The following SIAH3 variants were observed in gnomAD, a reference collection of about 807,000 sequenced individuals.
SIAH3 encodes seven in absentia homolog 3.
SIAH3 carries 9 observed loss-of-function variants against 12.6 expected under a neutral mutation model. The ratio of observed to expected loss-of-function variants is 0.72; its 90% CI spans 0.43 to 1.25. The LOEUF (loss-of-function observed/expected upper bound fraction) is 1.25. Among genes scored for constraint, SIAH3 ranks in the 50% most tolerant of loss-of-function variants. The pLI is 0.00. For missense variants in SIAH3, 390 were observed against 365.4 expected (o/e 1.07, Z -0.55); for synonymous variants, 154 against 151.1 (o/e 1.02, Z -0.14).
At chr13:45,811,992 C>T (rs777154115) in intron 1 of SIAH3, among the ~76,000 whole-genome samples, 3 of 152,208 alleles carry the variant, frequency 2.0e-5, no homozygotes, top group Non-Finnish European at 4.4e-5. Flanking sequence ...TCCCTCTGAA[C>T]TTTCAGAGAC....
At position 45,780,439 on chromosome 13, in the gene SIAH3, T is replaced by A. The variant is rs1248586204; in HGVS notation, c.*2944A>T. On this transcript the variant is annotated 3_prime_UTR_variant, in exon 2 of 2. Transcript: ENST00000400405. ...GCTTGTGTCACCATGCCCAGCTGAT[T>A]TTTTTTTTTGTAGAAATGAAGTCTC... 1 of 150,166 alleles carries A rather than the reference T, an allele frequency of 6.7e-6. No homozygotes were observed. The highest frequency in any genetic ancestry group is 1.5e-5 in the Non-Finnish European group (1 of 67,424). The allele number at this position is 150,166 out of a possible 1,614,324, so 9.3% of individuals were successfully genotyped here. A position where few individuals can be genotyped will look rare whatever the true frequency, so the allele number is the denominator to read the frequency against.
chr13:45,787,429 T>C (rs1480691022), intron 1 of SIAH3, among the ~76,000 whole-genome samples: 1 of 152,158 alleles, frequency 6.6e-6, no homozygotes, highest in African/African-American at 2.4e-5. Context: ...CTCACTATGA[T>C]TGTGTGAAAG....
chr13:45,799,013 G>C (rs1950572670), intron 1 of SIAH3, among the ~76,000 whole-genome samples: 1 of 152,100 alleles, frequency 6.6e-6, no homozygotes, highest in African/African-American at 2.4e-5. Flanking sequence ...AAATGAACCA[G>C]GGCCTCTTCA....
At chr13:45,794,056 C>G (rs961120514) in intron 1 of SIAH3, among the ~76,000 whole-genome samples, 4 of 151,652 alleles carry the variant, frequency 2.6e-5, no homozygotes, top group Non-Finnish European at 4.4e-5. Flanking sequence ...AGGAGGAATT[C>G]TTCCCTAGCA....
chr13:45,789,912 A>T (rs1385741082), intron 1 of SIAH3, among the ~76,000 whole-genome samples: 1 of 152,200 alleles, frequency 6.6e-6, no homozygotes, highest in South Asian at 2.1e-4. Flanking sequence ...TGGTGAAATT[A>T]GTAGTTTGTT....
chr13:45,845,219 G>A (rs930149970), intron 1 of SIAH3, among the ~76,000 whole-genome samples: 1 of 151,004 alleles, frequency 6.6e-6, no homozygotes, highest in African/African-American at 2.4e-5. Flanking sequence ...TTGACTCCAG[G>A]AAGGTGCATT....
At chr13:45,825,956 C>A (rs1488720339) in intron 1 of SIAH3, among the ~76,000 whole-genome samples, 2 of 152,168 alleles carry the variant, frequency 1.3e-5, no homozygotes, top group African/African-American at 4.8e-5. Flanking sequence ...CTGCCTTCCT[C>A]CCCCTGGCCC....
intron 1 of SIAH3, among the ~76,000 whole-genome samples, chr13:45,818,102 G>A (rs146563299): frequency 1.3e-4 from 20 of 152,268 alleles, no homozygotes; most frequent in African/African-American, 4.6e-4. Flanking sequence ...TCTGGAGCAG[G>A]ACAACTCTGA....
chr13:45,833,558 G>C (rs7993282), intron 1 of SIAH3, among the ~76,000 whole-genome samples: 33,115 of 152,168 alleles, frequency 0.22, 4,295 homozygotes, highest in East Asian at 0.38. Context: ...ATAAAAGGAA[G>C]AGAAAGAGGG....
chr13:45,815,240 T>C (rs1426515560), intron 1 of SIAH3, among the ~76,000 whole-genome samples: 1 of 152,060 alleles, frequency 6.6e-6, no homozygotes, highest in Non-Finnish European at 1.5e-5. Flanking sequence ...AATGTTACTA[T>C]GAAGGTGTTG....
intron 1 of SIAH3, among the ~76,000 whole-genome samples, chr13:45,803,006 AG>A (rs1033966315): frequency 6.6e-6 from 1 of 151,762 alleles, no homozygotes; most frequent in Admixed American, 6.6e-5. Context: ...TGGGAGAAGG[AG>A]GTTGTAGTGA....
At chr13:45,800,321 G>T (rs1390830987) in intron 1 of SIAH3, among the ~76,000 whole-genome samples, 9 of 152,172 alleles carry the variant, frequency 5.9e-5, no homozygotes, top group African/African-American at 1.9e-4. Flanking sequence ...TGGCCTTGGA[G>T]AACTCATATG....
At chr13:45,792,950 A>G (rs993000435) in intron 1 of SIAH3, among the ~76,000 whole-genome samples, 2 of 151,478 alleles carry the variant, frequency 1.3e-5, no homozygotes, top group East Asian at 3.9e-4. Context: ...GTGTAGTTAG[A>G]CTTTCATATC....
chr13:45,787,313 G>A (rs180898849), intron 1 of SIAH3, among the ~76,000 whole-genome samples: 5 of 152,254 alleles, frequency 3.3e-5, no homozygotes, highest in Non-Finnish European at 5.9e-5. Flanking sequence ...AAAGATGCCC[G>A]TAGTTCATTA....
chr13:45,801,112 G>A lies in SIAH3; in HGVS notation c.136-17055C>T, dbSNP rs1019704432. Reference sequence around the variant, plus strand: ...ATGGGTGGCGGGGGGGGGCATGGCTGTAGACGTTGCTATTTTGGCCTCCGG... The same window carrying A: ...ATGGGTGGCGGGGGGGGGCATGGCTATAGACGTTGCTATTTTGGCCTCCGG... On this transcript the variant is annotated intron_variant, in intron 1 of 1. Coordinates refer to ENST00000400405, the MANE Select transcript of SIAH3 (RefSeq NM_198849.3). 7.3e-5 allele frequency among the ~76,000 whole-genome samples: 11 copies of A among 151,310 alleles called. No individual in the cohort carries two copies. The South Asian group carries it at 1.5e-3, about 20-fold the overall frequency.
intron 1 of SIAH3, among the ~76,000 whole-genome samples, chr13:45,815,216 C>A (rs375186842): frequency 2.0e-5 from 3 of 151,684 alleles, no homozygotes; most frequent in South Asian, 2.1e-4. Flanking sequence ...GATATTTGGT[C>A]AAATGCTAGG....
chr13:45,805,737 T>C (rs1950596538), intron 1 of SIAH3, among the ~76,000 whole-genome samples: 1 of 152,112 alleles, frequency 6.6e-6, no homozygotes, highest in Non-Finnish European at 1.5e-5. Context: ...AGGACCTAAT[T>C]AAACTAAAGA....
At chr13:45,848,800 T>G (rs960869852) in intron 1 of SIAH3, among the ~76,000 whole-genome samples, 2 of 152,186 alleles carry the variant, frequency 1.3e-5, no homozygotes, top group African/African-American at 4.8e-5. Context: ...TGGTCACCAT[T>G]TCATATACTG....
chr13:45,816,238 G>A (rs936341785), intron 1 of SIAH3, among the ~76,000 whole-genome samples: 1 of 152,214 alleles, frequency 6.6e-6, no homozygotes, highest in Admixed American at 6.5e-5. Context: ...TACAACTCCA[G>A]GAGCCCTTGC....
Sources: allele counts gnomAD v4.1 joint callset (sites outside exome capture counted in the v4.1 genomes callset), GRCh38; gene constraint gnomAD v4.1.1; transcripts MANE v1.5; gene names NCBI Gene and HGNC (gene_info 2026-07-23, HGNC 2026-07-21).